PTPRG: variants seen among roughly 807,000 people sequenced by gnomAD.
The protein encoded by PTPRG is protein tyrosine phosphatase receptor type G.
A neutral mutation model predicts 165.3 loss-of-function variants in PTPRG; 102 were observed. The observed-to-expected ratio is 0.62, with a 90% CI of 0.53 to 0.73. The LOEUF is 0.73. Ranked by LOEUF, PTPRG falls within the 30% of genes least tolerant of loss-of-function variation. The pLI is 0.00. For missense variants in PTPRG, 1,866 were observed against 1,861.4 expected (o/e 1.00, Z -0.05); for synonymous variants, 675 against 669.5 (o/e 1.01, Z -0.13).
At chr3:61,654,668 G>A (rs1206203296) in intron 1 of PTPRG, among the ~76,000 whole-genome samples, 1 of 151,972 alleles carries the variant, frequency 6.6e-6, no homozygotes. Context: ...TTACAGGCGT[G>A]AGCCACCATG....
intron 3 of PTPRG, among the ~76,000 whole-genome samples, chr3:61,992,309 A>G (rs559753806): frequency 3.9e-5 from 6 of 152,208 alleles, no homozygotes; most frequent in African/African-American, 1.4e-4. Flanking sequence ...ACTTGGGTGC[A>G]GAAATCAACT....
At chr3:61,796,869 ACATACTAAC>A (rs1318753003) in intron 2 of PTPRG, among the ~76,000 whole-genome samples, 1 of 152,180 alleles carries the variant, frequency 6.6e-6, no homozygotes, top group Non-Finnish European at 1.5e-5. Context: ...TGGTGGTGGC[ACATACTAAC>A]CACTCCAAAA....
chr3:62,293,402 C>G lies in PTPRG; in HGVS notation c.*95C>G. 8.8e-7 allele frequency: 1 copy of G among 1,138,318 alleles called. No individual in the cohort carries two copies. Among genetic ancestry groups the G allele is most frequent in the Non-Finnish European group, 1.2e-6 (1 of 834,738 alleles). 70.5% of individuals were successfully genotyped at this position (1,138,318 alleles called of 1,614,324 possible). On this transcript the variant is annotated 3_prime_UTR_variant, in exon 30 of 30. Transcript: ENST00000474889. ...CCAGACTCTAGGTTATACAATAACC[C>G]AGTTACTTTTTTACACTGATAAAAG...
At chr3:62,194,317 T>G (rs954303567) in intron 9 of PTPRG, among the ~76,000 whole-genome samples, 5 of 152,206 alleles carry the variant, frequency 3.3e-5, no homozygotes, top group African/African-American at 4.8e-5. Context: ...GGGCCTATGT[T>G]ATGTAATTCT....
chr3:61,885,274 G>A (rs897917364), intron 2 of PTPRG, among the ~76,000 whole-genome samples: 1 of 152,022 alleles, frequency 6.6e-6, no homozygotes, highest in African/African-American at 2.4e-5. Flanking sequence ...CTATTCTGCT[G>A]TTTGTTTCAA....
At chr3:62,139,245 A>G (rs1486461482) in intron 6 of PTPRG, among the ~76,000 whole-genome samples, 1 of 152,074 alleles carries the variant, frequency 6.6e-6, no homozygotes, top group African/African-American at 2.4e-5. Flanking sequence ...TGGGTGGATC[A>G]CCTGAGGTCA....
At chr3:62,108,044 CTCT>C (rs1287843993) in intron 5 of PTPRG, among the ~76,000 whole-genome samples, 1 of 148,340 alleles carries the variant, frequency 6.7e-6, no homozygotes, top group Non-Finnish European at 1.5e-5. Flanking sequence ...TTCTCTCTCG[CTCT>C]TTTTTTTTTT....
At chr3:62,293,043 A>T in intron 29 of PTPRG, 118 bp from the exon 30 acceptor site, 1 of 841,426 alleles carries the variant, frequency 1.2e-6, no homozygotes, top group Non-Finnish European at 1.8e-6. Flanking sequence ...GATAACATTT[A>T]TGCTATTGCT....
chr3:61,792,720 CT>C (rs1559614543), intron 2 of PTPRG, among the ~76,000 whole-genome samples: 28 of 76,646 alleles, frequency 3.7e-4, no homozygotes, highest in African/African-American at 1.5e-3. Flanking sequence ...TTCTTTCTTT[CT>C]TTCTTTCTTT....
intron 1 of PTPRG, among the ~76,000 whole-genome samples, chr3:61,589,003 A>G (rs985294356): frequency 6.6e-6 from 1 of 152,146 alleles, no homozygotes; most frequent in African/African-American, 2.4e-5. Context: ...GGGTCAGCAA[A>G]TCATAGCCTG....
intron 2 of PTPRG, among the ~76,000 whole-genome samples, chr3:61,766,027 CGTT>C (rs2034004306): frequency 6.6e-6 from 1 of 152,162 alleles, no homozygotes; most frequent in Non-Finnish European, 1.5e-5. Flanking sequence ...AGGCCACTGA[CGTT>C]GTAGGTTAAA....
At chr3:61,620,855 C>G (rs933665152) in intron 1 of PTPRG, among the ~76,000 whole-genome samples, 1 of 151,890 alleles carries the variant, frequency 6.6e-6, no homozygotes, top group African/African-American at 2.4e-5. Flanking sequence ...TCTGGAACTC[C>G]TGACCTCTGG....
chr3:61,776,788 G>A (rs1416681154), intron 2 of PTPRG, among the ~76,000 whole-genome samples: 1 of 152,050 alleles, frequency 6.6e-6, no homozygotes, highest in African/African-American at 2.4e-5. Context: ...TTCTTCTTGT[G>A]TATTAAAGTC....
chr3:61,903,299 G>A (rs1420426742), intron 2 of PTPRG, among the ~76,000 whole-genome samples: 1 of 152,172 alleles, frequency 6.6e-6, no homozygotes, highest in Admixed American at 6.5e-5. Context: ...GCATGACACT[G>A]CTTTACATCT....
At chr3:62,156,646 C>A (rs1704548342) in intron 6 of PTPRG, among the ~76,000 whole-genome samples, 1 of 152,114 alleles carries the variant, frequency 6.6e-6, no homozygotes. Context: ...CACTGATTAT[C>A]TATCTGTTCA....
chr3:61,819,698 G>A (rs1247091855), intron 2 of PTPRG, among the ~76,000 whole-genome samples: 1 of 152,148 alleles, frequency 6.6e-6, no homozygotes, highest in East Asian at 1.9e-4. Flanking sequence ...ATGGCACCAT[G>A]GGGATGCAAT....
chr3:62,010,060 A>C (rs1400273838), intron 4 of PTPRG, among the ~76,000 whole-genome samples: 1 of 151,920 alleles, frequency 6.6e-6, no homozygotes, highest in Non-Finnish European at 1.5e-5. Flanking sequence ...TGGGGCTACA[A>C]CCACACACCA....
intron 2 of PTPRG, among the ~76,000 whole-genome samples, chr3:61,825,928 GGCGT>G (rs61329848): frequency 0.31 from 46,982 of 151,790 alleles, 7,402 homozygotes; most frequent in East Asian, 0.5. Context: ...TGGGATTACA[GGCGT>G]GCGTGAGCCA....
chr3:62,164,278 G>T (rs1394082682), intron 7 of PTPRG, among the ~76,000 whole-genome samples: 2 of 152,192 alleles, frequency 1.3e-5, no homozygotes, highest in African/African-American at 4.8e-5. Flanking sequence ...GGGACAGACT[G>T]AAGTTGCTGT....
Sources: gnomAD v4.1 joint callset for allele counts (sites outside exome capture counted in the v4.1 genomes callset) on GRCh38, gnomAD v4.1.1 for gene constraint, MANE v1.5 for transcripts, NCBI Gene and HGNC (gene_info 2026-07-23, HGNC 2026-07-21) for gene names.